Variants in UNC13C observed in about 807,000 individuals in gnomAD.
The protein encoded by UNC13C is protein unc-13 homolog C.
In UNC13C, 174 loss-of-function variants were observed where a neutral mutation model predicts 245.4. The ratio of observed to expected loss-of-function variants is 0.71; its 90% CI spans 0.63 to 0.80. The LOEUF is 0.80. UNC13C is among the 30% of genes least tolerant of loss of function. The pLI, the probability that UNC13C is intolerant of heterozygous loss-of-function variation, is 0.00. For synonymous variants in UNC13C, 992 were observed against 895.1 expected, an observed-to-expected ratio of 1.11 and a Z score of -1.93; for missense variants, 2,829 against 2,602.9, an observed-to-expected ratio of 1.09 and a Z score of -1.89.
intron 19 of UNC13C, among the ~76,000 whole-genome samples, chr15:54,468,821 TCAATA>T (rs1892309381): frequency 6.6e-6 from 1 of 151,674 alleles, no homozygotes; most frequent in Admixed American, 6.6e-5. Context: ...TGTTTTTATG[TCAATA>T]CTATGCACTT....
At chr15:53,873,276 C>T in the UNC13C span, among the ~76,000 whole-genome samples, 10 of 152,158 alleles carry the variant, frequency 6.6e-5, no homozygotes, top group East Asian at 1.9e-4. Flanking sequence ...GAGTTTTCTG[C>T]GGAGACTGGG....
chr15:54,451,799 T>A (rs985262681), intron 19 of UNC13C, among the ~76,000 whole-genome samples: 1 of 152,102 alleles, frequency 6.6e-6, no homozygotes, highest in African/African-American at 2.4e-5. Flanking sequence ...AGAATTATTG[T>A]GTTTTTTTGG....
At chr15:53,844,087 G>T in the UNC13C span, among the ~76,000 whole-genome samples, 4 of 152,162 alleles carry the variant, frequency 2.6e-5, no homozygotes, top group Non-Finnish European at 4.4e-5. Context: ...GAAGGGAAAA[G>T]AAGTGAATCC....
chr15:54,141,819 C>T (rs1055152903), intron 2 of UNC13C, among the ~76,000 whole-genome samples: 26 of 151,998 alleles, frequency 1.7e-4, no homozygotes. Flanking sequence ...TCTGAAGATA[C>T]AACCCTGAAA....
chr15:53,916,195 G>A, the UNC13C span, among the ~76,000 whole-genome samples: 1 of 152,260 alleles, frequency 6.6e-6, no homozygotes, highest in Non-Finnish European at 1.5e-5. Context: ...ACAAATTAAC[G>A]TATTAGCTAT....
At chr15:54,201,399 G>A (rs1206915030) in intron 4 of UNC13C, among the ~76,000 whole-genome samples, 1 of 151,844 alleles carries the variant, frequency 6.6e-6, no homozygotes, top group Non-Finnish European at 1.5e-5. Context: ...GATGAATATA[G>A]ATGCAAAAAT....
chr15:54,029,160 C>T (rs1416520137), intron 2 of UNC13C, among the ~76,000 whole-genome samples: 1 of 152,180 alleles, frequency 6.6e-6, no homozygotes, highest in Non-Finnish European at 1.5e-5. Flanking sequence ...GCACAGACAG[C>T]TTGGTGAAAC....
At chr15:54,139,619 T>C (rs931722152) in intron 2 of UNC13C, among the ~76,000 whole-genome samples, 2 of 152,230 alleles carry the variant, frequency 1.3e-5, no homozygotes, top group Non-Finnish European at 2.9e-5. Context: ...TTGGGAATTA[T>C]TTTTAATATC....
chr15:54,213,791 T>C (rs2034956870), intron 4 of UNC13C, among the ~76,000 whole-genome samples: 1 of 151,994 alleles, frequency 6.6e-6, no homozygotes, highest in Non-Finnish European at 1.5e-5. Context: ...TTGTAGCAGA[T>C]AGGTAGATTG....
At chr15:54,257,199 A>G (rs1288421974) in intron 8 of UNC13C, among the ~76,000 whole-genome samples, 6 of 152,246 alleles carry the variant, frequency 3.9e-5, no homozygotes, top group Non-Finnish European at 7.3e-5. Flanking sequence ...AAAGAAAAAT[A>G]TCTTCCTCCT....
At chr15:54,565,397 C>G (rs1459062162) in intron 29 of UNC13C, among the ~76,000 whole-genome samples, 1 of 151,890 alleles carries the variant, frequency 6.6e-6, no homozygotes, top group East Asian at 1.9e-4. Context: ...CAGATGCTGT[C>G]AAGTATTAAG....
chr15:54,362,584 G>C (rs147013397), intron 17 of UNC13C, among the ~76,000 whole-genome samples: 1 of 152,052 alleles, frequency 6.6e-6, no homozygotes, highest in Non-Finnish European at 1.5e-5. Context: ...TTCCATTGCA[G>C]GGTTCACAAA....
intron 4 of UNC13C, among the ~76,000 whole-genome samples, chr15:54,169,194 C>G (rs915534073): frequency 6.6e-6 from 1 of 152,036 alleles, no homozygotes; most frequent in Non-Finnish European, 1.5e-5. Context: ...TTTAAAAAGC[C>G]CAAAAGAATG....
chr15:54,548,044 G>C (rs1896561898), intron 27 of UNC13C, among the ~76,000 whole-genome samples: 1 of 152,038 alleles, frequency 6.6e-6, no homozygotes, highest in East Asian at 1.9e-4. Context: ...AAAAAGAGGA[G>C]AGTAACTGTA....
chr15:54,563,546 C>T (rs1897379385), intron 29 of UNC13C, among the ~76,000 whole-genome samples: 1 of 151,984 alleles, frequency 6.6e-6, no homozygotes, highest in Non-Finnish European at 1.5e-5. Context: ...AGAGGAATTA[C>T]AAGAAACCAA....
At chr15:53,885,292 A>G in the UNC13C span, among the ~76,000 whole-genome samples, 1 of 152,164 alleles carries the variant, frequency 6.6e-6, no homozygotes, top group Non-Finnish European at 1.5e-5. Flanking sequence ...TTCTTCCCTA[A>G]GGTGGGGCAT....
At chr15:54,540,932 C>T (rs932826906) in intron 26 of UNC13C, among the ~76,000 whole-genome samples, 1 of 152,066 alleles carries the variant, frequency 6.6e-6, no homozygotes, top group Non-Finnish European at 1.5e-5. Context: ...GTTGTTGTGT[C>T]TCCAATCATA....
chr15:54,165,243 G>A (rs978854681), intron 4 of UNC13C, among the ~76,000 whole-genome samples: 1 of 152,066 alleles, frequency 6.6e-6, no homozygotes, highest in East Asian at 1.9e-4. Flanking sequence ...ATGAAATCAT[G>A]TTGAGTACAA....
intron 30 of UNC13C, among the ~76,000 whole-genome samples, chr15:54,578,773 GC>G (rs1397018772): frequency 2.6e-5 from 4 of 152,204 alleles, no homozygotes; most frequent in Admixed American, 2.0e-4. Flanking sequence ...AACTGCTTGA[GC>G]AGGGAGAACT....
Sources: allele counts gnomAD v4.1 joint callset (sites outside exome capture counted in the v4.1 genomes callset), GRCh38; gene constraint gnomAD v4.1.1; transcripts MANE v1.5; gene names NCBI Gene and HGNC (gene_info 2026-07-23, HGNC 2026-07-21).